SLC4A4: variants seen among roughly 807,000 people sequenced by gnomAD.
The protein encoded by SLC4A4 is electrogenic sodium bicarbonate cotransporter 1.
A neutral mutation model predicts 111.5 loss-of-function variants in SLC4A4; 27 were observed. The observed-to-expected ratio is 0.24, with a 90% confidence interval of 0.18 to 0.33. SLC4A4 has a LOEUF of 0.33. Ranked by LOEUF, SLC4A4 falls within the 10% of genes least tolerant of loss-of-function variation. The pLI, the probability that SLC4A4 is intolerant of heterozygous loss-of-function variation, is 1.00. For missense variants in SLC4A4, 909 were observed against 1,315.5 expected (o/e 0.69, Z 4.78); for synonymous variants, 443 against 463.4 (o/e 0.96, Z 0.57).
At chr4:71,066,239 G>T (rs1477541134) in intron 1 of SLC4A4, among the ~76,000 whole-genome samples, 1 of 152,132 alleles carries the variant, frequency 6.6e-6, no homozygotes, top group Non-Finnish European at 1.5e-5. Context: ...GATCTCTCTG[G>T]ATCCAAAGCC....
chr4:71,158,097 CTGTGTGTGTGTGTGTGTG>C (rs139897656), intron 2 of SLC4A4, among the ~76,000 whole-genome samples: 78 of 137,174 alleles, frequency 5.7e-4, no homozygotes, highest in Middle Eastern at 7.1e-3. Context: ...ATCCTTGACT[CTGTGTGTGTGTGTGTGTG>C]TGTGTGTGTG....
intron 2 of SLC4A4, among the ~76,000 whole-genome samples, chr4:71,168,290 T>A (rs1325293066): frequency 6.6e-6 from 1 of 150,822 alleles, no homozygotes; most frequent in Non-Finnish European, 1.5e-5. Flanking sequence ...CAAGTGATTC[T>A]CCTGCCTCAG....
At chr4:71,406,798 G>A (rs1001966135) in intron 7 of SLC4A4, among the ~76,000 whole-genome samples, 2 of 152,134 alleles carry the variant, frequency 1.3e-5, no homozygotes, top group African/African-American at 4.8e-5. Context: ...CTGAGTCATT[G>A]CATAGGGAGT....
chr4:71,423,618 G>A lies in SLC4A4; in HGVS notation c.808-16998G>A, dbSNP rs533449607. Among the ~76,000 whole-genome samples the A allele has an allele frequency of 2.4e-4, 37 of 152,240 alleles. No individual in the cohort carries two copies. The East Asian group carries it at 5.4e-3, about 22-fold the overall frequency. Reference sequence around the variant, plus strand: ...CTACAAGGCTACAGTAACCAAAACAGCATGGTACTGGTACCAAAACAGAGA... The same window carrying A: ...CTACAAGGCTACAGTAACCAAAACAACATGGTACTGGTACCAAAACAGAGA... On this transcript the variant is annotated intron_variant, in intron 7 of 25. Coordinates refer to ENST00000264485, the MANE Select transcript of SLC4A4 (RefSeq NM_001098484.3).
intron 1 of SLC4A4, among the ~76,000 whole-genome samples, chr4:71,209,555 A>G (rs1049253427): frequency 3.3e-5 from 5 of 152,192 alleles, no homozygotes; most frequent in Admixed American, 2.0e-4. Flanking sequence ...CCTGTAATGC[A>G]TTTTGGAGAT....
chr4:71,516,000 A>G (rs1380858754), intron 16 of SLC4A4, among the ~76,000 whole-genome samples: 2 of 146,780 alleles, frequency 1.4e-5, no homozygotes, highest in East Asian at 4.0e-4. Context: ...CATTTCTGTC[A>G]TATTACTAAT....
At chr4:71,547,742 C>T in intron 20 of SLC4A4, 22 bp downstream of exon 20, 1 of 1,569,266 alleles carries the variant, frequency 6.4e-7, no homozygotes, top group Non-Finnish European at 8.8e-7. Flanking sequence ...AAACATTCAC[C>T]TCTTCCTTCT....
At chr4:71,437,090 G>A in intron 7 of SLC4A4, 1 of 435,526 alleles carries the variant, frequency 2.3e-6, no homozygotes, top group Admixed American at 2.7e-5. Flanking sequence ...ACTTCTTTGT[G>A]GACTTTTTCC....
chr4:71,549,622 T>C (rs944139817), intron 20 of SLC4A4, among the ~76,000 whole-genome samples: 2 of 151,902 alleles, frequency 1.3e-5, no homozygotes, highest in African/African-American at 4.8e-5. Flanking sequence ...TTCAAAAAAG[T>C]CAGATGTGTT....
At chr4:71,502,926 T>C (rs937716283) in intron 16 of SLC4A4, among the ~76,000 whole-genome samples, 1 of 152,156 alleles carries the variant, frequency 6.6e-6, no homozygotes, top group African/African-American at 2.4e-5. Flanking sequence ...GAAAATGGGG[T>C]ATTGAAATTC....
intron 3 of SLC4A4, among the ~76,000 whole-genome samples, chr4:71,327,968 C>A (rs1727636595): frequency 6.6e-6 from 1 of 151,904 alleles, no homozygotes; most frequent in Admixed American, 6.6e-5. Flanking sequence ...CATCCCCCAC[C>A]CCACCTGCTC....
chr4:71,547,010 T>C (rs1185386303), intron 19 of SLC4A4, among the ~76,000 whole-genome samples: 10 of 151,996 alleles, frequency 6.6e-5, no homozygotes, highest in Admixed American at 2.0e-4. Context: ...GTTTTTATAC[T>C]CTGTTGAGCA....
chr4:71,225,864 G>A (rs1328831083), intron 1 of SLC4A4, among the ~76,000 whole-genome samples: 1 of 152,194 alleles, frequency 6.6e-6, no homozygotes, highest in Non-Finnish European at 1.5e-5. Context: ...CAATGAATAT[G>A]AATTAACTGA....
At chr4:71,480,179 G>T (rs1728747299) in intron 14 of SLC4A4, among the ~76,000 whole-genome samples, 1 of 151,350 alleles carries the variant, frequency 6.6e-6, no homozygotes, top group African/African-American at 2.4e-5. Flanking sequence ...ATGCTACCAT[G>T]CCCAGCTTAA....
chr4:71,074,846 A>T (rs1425925957), intron 1 of SLC4A4, among the ~76,000 whole-genome samples: 1 of 152,262 alleles, frequency 6.6e-6, no homozygotes, highest in Non-Finnish European at 1.5e-5. Flanking sequence ...CTAAAAATAC[A>T]GCAACCAGGA....
At chr4:71,270,676 A>G (rs1006711048) in intron 3 of SLC4A4, among the ~76,000 whole-genome samples, 19 of 152,220 alleles carry the variant, frequency 1.2e-4, no homozygotes, top group African/African-American at 4.1e-4. Flanking sequence ...CATTATTAGT[A>G]TATGAATACT....
At chr4:71,121,924 TGGGAGGAATGAACAACTCCGGAC>T (rs1046417045) in intron 2 of SLC4A4, among the ~76,000 whole-genome samples, 4 of 152,004 alleles carry the variant, frequency 2.6e-5, no homozygotes, top group Admixed American at 6.6e-5. Flanking sequence ...AGGAACCCAC[TGGGAGGAATGAACAACTCCGGAC>T]GGGAGGAATG....
intron 2 of SLC4A4, among the ~76,000 whole-genome samples, chr4:71,152,306 A>C (rs936694056): frequency 6.6e-6 from 1 of 152,094 alleles, no homozygotes; most frequent in African/African-American, 2.4e-5. Flanking sequence ...TAAATAATAC[A>C]ACATATATTT....
At position 71,543,400 on chromosome 4, in the gene SLC4A4, T is replaced by A. The variant is rs142593947; in HGVS notation, c.2443-2950T>A. Reference sequence around the variant, plus strand: ...AAGAAGTCCAGTGTGGCTGAGGAGATGGAAGACTTTTTGAAAGCAGTGATG... The same window carrying A: ...AAGAAGTCCAGTGTGGCTGAGGAGAAGGAAGACTTTTTGAAAGCAGTGATG... On this transcript the variant is annotated intron_variant, in intron 18 of 25. Coordinates refer to ENST00000264485, the MANE Select transcript of SLC4A4 (RefSeq NM_001098484.3). Among the ~76,000 whole-genome samples, 61 of 152,258 alleles carry A rather than the reference T, an allele frequency of 4.0e-4. No homozygotes were observed. The East Asian group carries it at 0.012, about 30-fold the overall frequency.
Sources: allele counts gnomAD v4.1 joint callset (sites outside exome capture counted in the v4.1 genomes callset), GRCh38; gene constraint gnomAD v4.1.1; transcripts MANE v1.5; gene names NCBI Gene and HGNC (gene_info 2026-07-23, HGNC 2026-07-21).